CWC27: variants seen among roughly 807,000 people sequenced by gnomAD.
CWC27 encodes the protein spliceosome-associated protein CWC27 homolog.
In CWC27, 47 loss-of-function variants were observed where a neutral mutation model predicts 63.6. The ratio of observed to expected loss-of-function variants is 0.74; its 90% CI spans 0.58 to 0.94. The LOEUF (loss-of-function observed/expected upper bound fraction) is 0.94, where lower values mean the gene tolerates loss of function less well. Ranked by LOEUF, CWC27 falls within the 40% of genes least tolerant of loss-of-function variation. The pLI is 0.00. For synonymous variants in CWC27, 175 were observed against 179.8 expected, an observed-to-expected ratio of 0.97 and a Z score of 0.22; for missense variants, 495 against 554.3, an observed-to-expected ratio of 0.89 and a Z score of 1.07.
intron 10 of CWC27, among the ~76,000 whole-genome samples, chr5:64,805,485 A>G (rs1744637715): frequency 6.6e-6 from 1 of 151,948 alleles, no homozygotes. Context: ...TAGTTAAATC[A>G]TGAATATAAT....
intron 11 of CWC27, among the ~76,000 whole-genome samples, chr5:64,930,793 G>T (rs1369190068): frequency 1.3e-5 from 2 of 152,108 alleles, no homozygotes; most frequent in Non-Finnish European, 2.9e-5. Context: ...AGAAGCGTAT[G>T]GACACCATAT....
At chr5:64,942,438 T>TAAAAAAAAAAAAAA (rs35936421) in intron 11 of CWC27, among the ~76,000 whole-genome samples, 1 of 96,550 alleles carries the variant, frequency 1.0e-5, no homozygotes, top group African/African-American at 4.3e-5. Flanking sequence ...CCTATCTCTT[T>TAAAAAAAAAAAAAA]AAAAAAAAAA....
At chr5:64,803,712 A>G (rs1009050693) in intron 9 of CWC27, among the ~76,000 whole-genome samples, 1 of 152,056 alleles carries the variant, frequency 6.6e-6, no homozygotes, top group Non-Finnish European at 1.5e-5. Context: ...GTTGTAGGAG[A>G]TTATGTCAGG....
rs767839264 is a variant in CWC27 at position 64,885,492 on chromosome 5, G to A, written c.988G>A (p.Ala330Thr). The change falls in exon 11 of 14, where the codon GCA becomes ACA. Residue 330 changes from alanine (A) to threonine (T), a missense_variant. Physicochemically the swap from Ala to Thr is moderately conservative, Grantham distance 58. Around this residue, in one of 3 missense-constraint regions of CWC27, gnomAD observed 463 missense variants for 498.1 expected, o/e 0.93. Coordinates refer to ENST00000381070, the MANE Select transcript of CWC27 (RefSeq NM_005869.4). ...ARQLKRELLA[A>T]KQKKVENAAK... ...ACAATTAAAACGGGAACTCTTAGCA[G>A]CAAAACAAAAAAAAGTAGAAAATGC... 10 of 1,609,174 alleles carry A rather than the reference G, an allele frequency of 6.2e-6. 1 individual carries two copies. In the South Asian group the frequency reaches 1.0e-4, roughly 16 times the overall value.
At chr5:64,902,930 T>G (rs1747541139) in intron 11 of CWC27, among the ~76,000 whole-genome samples, 1 of 152,252 alleles carries the variant, frequency 6.6e-6, no homozygotes, top group African/African-American at 2.4e-5. Context: ...AGAGGTCTTG[T>G]ATATATTTGT....
At chr5:64,867,329 GT>G (rs1348923729) in intron 10 of CWC27, among the ~76,000 whole-genome samples, 3 of 152,012 alleles carry the variant, frequency 2.0e-5, no homozygotes, top group Non-Finnish European at 4.4e-5. Context: ...TTATATTATT[GT>G]TGGTTTTACT....
At chr5:64,784,807 A>G (rs1743825159) in intron 4 of CWC27, among the ~76,000 whole-genome samples, 1 of 152,244 alleles carries the variant, frequency 6.6e-6, no homozygotes, top group Admixed American at 6.5e-5. Context: ...GGGTTAGGAA[A>G]TATGCATTGG....
At chr5:64,910,802 T>G (rs1747770110) in intron 11 of CWC27, among the ~76,000 whole-genome samples, 1 of 152,190 alleles carries the variant, frequency 6.6e-6, no homozygotes, top group African/African-American at 2.4e-5. Context: ...GCTAAGACCT[T>G]TGGAAAAGTG....
intron 11 of CWC27, among the ~76,000 whole-genome samples, chr5:64,949,672 A>T (rs1345665762): frequency 1.3e-5 from 2 of 151,976 alleles, no homozygotes; most frequent in Admixed American, 6.6e-5. Flanking sequence ...TTCACTATGG[A>T]TCCCATGTTC....
intron 13 of CWC27, among the ~76,000 whole-genome samples, chr5:64,996,740 T>A (rs928918888): frequency 2.0e-5 from 3 of 152,144 alleles, no homozygotes; most frequent in Non-Finnish European, 4.4e-5. Context: ...GATTTTGTAT[T>A]GCTTATATGT....
chr5:64,783,590 C>T (rs1270134395), intron 3 of CWC27, among the ~76,000 whole-genome samples: 3 of 152,148 alleles, frequency 2.0e-5, no homozygotes, highest in Non-Finnish European at 4.4e-5. Flanking sequence ...GGTACTCTTC[C>T]TTTAGATGTA....
chr5:64,933,789 C>A (rs556803278), intron 11 of CWC27, among the ~76,000 whole-genome samples: 7 of 152,278 alleles, frequency 4.6e-5, no homozygotes, highest in African/African-American at 1.7e-4. Context: ...CCACGCCTAG[C>A]CACATGCATA....
chr5:64,825,161 C>G (rs1028708547), intron 10 of CWC27, among the ~76,000 whole-genome samples: 1 of 152,118 alleles, frequency 6.6e-6, no homozygotes, highest in Non-Finnish European at 1.5e-5. Context: ...CACAGTAAAT[C>G]AGGTGTGTCA....
chr5:64,903,348 A>C (rs943871387), intron 11 of CWC27, among the ~76,000 whole-genome samples: 1 of 152,136 alleles, frequency 6.6e-6, no homozygotes, highest in African/African-American at 2.4e-5. Context: ...TGCAGCCATA[A>C]AAAAATAATC....
intron 10 of CWC27, among the ~76,000 whole-genome samples, chr5:64,820,374 C>A (rs1745162890): frequency 1.3e-5 from 2 of 151,060 alleles, no homozygotes; most frequent in African/African-American, 4.9e-5. Context: ...TGCTTCACAT[C>A]ACTCAAGTTC....
At chr5:64,875,361 T>C (rs1746771331) in intron 10 of CWC27, among the ~76,000 whole-genome samples, 2 of 152,260 alleles carry the variant, frequency 1.3e-5, no homozygotes, top group Non-Finnish European at 2.9e-5. Flanking sequence ...GTCTTTTTAT[T>C]CGTAAGTAAT....
chr5:64,996,424 A>G (rs1486401328), intron 13 of CWC27, among the ~76,000 whole-genome samples: 2 of 152,168 alleles, frequency 1.3e-5, no homozygotes, highest in Non-Finnish European at 2.9e-5. Flanking sequence ...ATTGATCACA[A>G]TAAGTAAAAC....
chr5:64,960,916 T>C (rs1433942939), intron 11 of CWC27, among the ~76,000 whole-genome samples: 1 of 130,730 alleles, frequency 7.6e-6, no homozygotes, highest in African/African-American at 2.9e-5. Flanking sequence ...CCCAGCTCAA[T>C]ACACTGTTTT....
chr5:64,985,212 C>T (rs1365352861), intron 13 of CWC27, among the ~76,000 whole-genome samples: 2 of 152,112 alleles, frequency 1.3e-5, no homozygotes, highest in East Asian at 3.8e-4. Context: ...ATTCTTCCAA[C>T]TCTCTTCTTG....
Sources: gnomAD v4.1 joint callset for allele counts (sites outside exome capture counted in the v4.1 genomes callset) on GRCh38, gnomAD v4.1.1 for gene constraint, gnomAD v4.1.1 regional missense constraint, MANE v1.5 for transcripts, NCBI Gene and HGNC (gene_info 2026-07-23, HGNC 2026-07-21) for gene names.